Variants in SAMMSON observed in about 807,000 individuals in gnomAD.
The protein encoded by SAMMSON is long intergenic non-protein coding RNA 1212.
intron 3 of SAMMSON, among the ~76,000 whole-genome samples, chr3:70,031,523 A>G (rs770423652): frequency 6.1e-4 from 93 of 152,204 alleles, no homozygotes; most frequent in Non-Finnish European, 8.1e-4. Context: ...TACAATTGTT[A>G]AAACAGTAAA....
chr3:70,195,938 T>C (rs1319686944), intron 4 of SAMMSON, among the ~76,000 whole-genome samples: 1 of 152,198 alleles, frequency 6.6e-6, no homozygotes, highest in Non-Finnish European at 1.5e-5. Flanking sequence ...GACATAATTA[T>C]TGATCACTTT....
intron 4 of SAMMSON, chr3:70,125,089 A>G: frequency 1.0e-6 from 1 of 975,062 alleles, no homozygotes; most frequent in Non-Finnish European, 1.6e-6. Context: ...TTCCTTCCTT[A>G]GGATCTGGTT....
chr3:70,279,048 T>C (rs1702055786), intron 6 of SAMMSON, among the ~76,000 whole-genome samples: 1 of 150,542 alleles, frequency 6.6e-6, no homozygotes, highest in Non-Finnish European at 1.5e-5. Context: ...CTTGTCAAGC[T>C]TTCTCCCTTT....
chr3:70,280,307 C>T (rs73102657), intron 6 of SAMMSON, among the ~76,000 whole-genome samples: 32,973 of 152,086 alleles, frequency 0.22, 3,700 homozygotes, highest in South Asian at 0.36. Context: ...CGTCAGGATC[C>T]TTAACTCAGT....
At chr3:70,101,786 G>A (rs552231827) in intron 4 of SAMMSON, among the ~76,000 whole-genome samples, 1 of 152,114 alleles carries the variant, frequency 6.6e-6, no homozygotes, top group South Asian at 2.1e-4. Flanking sequence ...GACCAAAAAG[G>A]TTAAGTGGCT....
At chr3:70,236,111 C>A (rs1701606210) in intron 4 of SAMMSON, among the ~76,000 whole-genome samples, 1 of 152,148 alleles carries the variant, frequency 6.6e-6, no homozygotes, top group Non-Finnish European at 1.5e-5. Flanking sequence ...CCTTGCTAAC[C>A]TAACTTATTC....
intron 7 of SAMMSON, among the ~76,000 whole-genome samples, chr3:70,322,474 C>A (rs1050054100): frequency 1.3e-5 from 2 of 152,096 alleles, no homozygotes; most frequent in African/African-American, 4.8e-5. Flanking sequence ...GACAACCATG[C>A]TTTCTTTCGT....
At chr3:70,249,160 T>C (rs1388853543) in exon 5 of SAMMSON, 1 of 152,146 alleles carries the variant, frequency 6.6e-6, no homozygotes, top group Non-Finnish European at 1.5e-5. Context: ...TTGGACCAAG[T>C]TCTACATTAG....
intron 4 of SAMMSON, among the ~76,000 whole-genome samples, chr3:70,079,751 G>A (rs867780027): frequency 1.2e-4 from 18 of 152,066 alleles, no homozygotes; most frequent in Admixed American, 2.6e-4. Flanking sequence ...TTATCAAGAC[G>A]TAACCCCACT....
chr3:70,289,276 A>G (rs980085867), intron 6 of SAMMSON, among the ~76,000 whole-genome samples: 3 of 150,402 alleles, frequency 2.0e-5, no homozygotes. Context: ...ATCTCTCAGC[A>G]TTTGCTTGTC....
chr3:70,233,149 A>G (rs1701577211), intron 4 of SAMMSON, among the ~76,000 whole-genome samples: 1 of 152,236 alleles, frequency 6.6e-6, no homozygotes, highest in Non-Finnish European at 1.5e-5. Flanking sequence ...AGATCGCGCC[A>G]CTGCATTCCA....
intron 2 of SAMMSON, among the ~76,000 whole-genome samples, chr3:70,402,630 G>A (rs1054958636): frequency 2.0e-5 from 3 of 152,196 alleles, no homozygotes; most frequent in Non-Finnish European, 4.4e-5. Context: ...AGGAGGCTGA[G>A]GTGGGCGGAC....
At chr3:70,370,258 G>C (rs1353472655) in intron 9 of SAMMSON, among the ~76,000 whole-genome samples, 1 of 152,030 alleles carries the variant, frequency 6.6e-6, no homozygotes, top group Non-Finnish European at 1.5e-5. Context: ...GTTGTGAATA[G>C]TGCTGCAATA....
intron 4 of SAMMSON, among the ~76,000 whole-genome samples, chr3:70,169,731 T>G (rs911647787): frequency 6.6e-6 from 1 of 151,212 alleles, no homozygotes; most frequent in Non-Finnish European, 1.5e-5. Context: ...TGCTCTAACC[T>G]TGTCAGAAGA....
intron 7 of SAMMSON, chr3:70,354,045 A>T (rs181439304): frequency 1.3e-5 from 2 of 152,422 alleles, no homozygotes; most frequent in Admixed American, 1.3e-4. Context: ...GGGATTAGGG[A>T]GAGAGTGGGA....
intron 4 of SAMMSON, chr3:70,172,916 C>G (rs1700973950): frequency 6.6e-6 from 1 of 151,976 alleles, no homozygotes; most frequent in African/African-American, 2.4e-5. Flanking sequence ...AACATCACTT[C>G]ATATCAAATG....
chr3:70,096,830 A>C (rs2067324665), intron 4 of SAMMSON, among the ~76,000 whole-genome samples: 1 of 152,170 alleles, frequency 6.6e-6, no homozygotes, highest in Admixed American at 6.5e-5. Flanking sequence ...AGCGTTGATC[A>C]AACCCTGTTC....
At chr3:70,319,626 G>A (rs189096896) in intron 7 of SAMMSON, among the ~76,000 whole-genome samples, 1 of 152,160 alleles carries the variant, frequency 6.6e-6, no homozygotes, top group East Asian at 1.9e-4. Flanking sequence ...GTTTTAGAAG[G>A]ATAGTAGTTT....
intron 4 of SAMMSON, among the ~76,000 whole-genome samples, chr3:70,239,027 A>C (rs1701639432): frequency 6.6e-6 from 1 of 152,194 alleles, no homozygotes. Flanking sequence ...TATGCCAAAA[A>C]TGATCTACAA....
Sources: gnomAD v4.1 joint callset for allele counts (sites outside exome capture counted in the v4.1 genomes callset) on GRCh38, gnomAD v4.1.1 for gene constraint, MANE v1.5 for transcripts, NCBI Gene and HGNC (gene_info 2026-07-23, HGNC 2026-07-21) for gene names.